Variants in FRMD4A observed in about 807,000 individuals in gnomAD.
The protein encoded by FRMD4A is FERM domain containing 4A.
In FRMD4A, 29 loss-of-function variants were observed where a neutral mutation model predicts 129.1. That is an observed-to-expected ratio of 0.22 (90% CI 0.17 to 0.31). The LOEUF (loss-of-function observed/expected upper bound fraction) is 0.31. Ranked by LOEUF, FRMD4A falls within the 10% of genes least tolerant of loss-of-function variation. The pLI, the probability that FRMD4A is intolerant of heterozygous loss-of-function variation, is 1.00. For missense variants in FRMD4A, 1,272 were observed against 1,375.8 expected, an observed-to-expected ratio of 0.92 and a Z score of 1.19; for synonymous variants, 634 against 571.6, an observed-to-expected ratio of 1.11 and a Z score of -1.56.
At chr10:14,317,756 G>GAAAAAA (rs66793271) in intron 2 of FRMD4A, among the ~76,000 whole-genome samples, 1 of 123,368 alleles carries the variant, frequency 8.1e-6, no homozygotes, top group Non-Finnish European at 1.6e-5. Flanking sequence ...ACAAGAGACG[G>GAAAAAA]AAAAAAAAAA....
intron 2 of FRMD4A, among the ~76,000 whole-genome samples, chr10:14,018,665 C>T (rs1001630461): frequency 2.6e-5 from 4 of 151,860 alleles, no homozygotes; most frequent in African/African-American, 9.7e-5. Flanking sequence ...ATATTGGAGG[C>T]CAAGAGAGCA....
intron 17 of FRMD4A, among the ~76,000 whole-genome samples, chr10:13,669,887 A>C (rs1481863815): frequency 6.6e-6 from 1 of 152,238 alleles, no homozygotes; most frequent in East Asian, 1.9e-4. Flanking sequence ...AAACAAGGCC[A>C]GGGCCGCCCA....
At chr10:13,880,432 T>C (rs1338724468) in intron 2 of FRMD4A, among the ~76,000 whole-genome samples, 1 of 152,226 alleles carries the variant, frequency 6.6e-6, no homozygotes, top group Admixed American at 6.5e-5. Context: ...ATCATTTGTC[T>C]GGATTCTTGC....
At chr10:14,132,511 A>G (rs1354497162) in intron 2 of FRMD4A, among the ~76,000 whole-genome samples, 1 of 152,104 alleles carries the variant, frequency 6.6e-6, no homozygotes, top group Non-Finnish European at 1.5e-5. Flanking sequence ...GGTTGTTATC[A>G]ATCTGGCTGG....
intron 4 of FRMD4A, among the ~76,000 whole-genome samples, chr10:13,798,069 A>C (rs912768626): frequency 1.3e-5 from 2 of 152,184 alleles, no homozygotes; most frequent in African/African-American, 4.8e-5. Flanking sequence ...AATTCCATTA[A>C]CTTTATCTTT....
intron 4 of FRMD4A, among the ~76,000 whole-genome samples, chr10:13,806,983 A>G (rs2093366735): frequency 6.6e-6 from 1 of 151,878 alleles, no homozygotes; most frequent in Non-Finnish European, 1.5e-5. Flanking sequence ...GATTTTTTGT[A>G]TTTTTAGTAG....
chr10:13,828,930 G>T (rs560432779), intron 3 of FRMD4A, among the ~76,000 whole-genome samples: 96 of 152,312 alleles, frequency 6.3e-4, no homozygotes, highest in Admixed American at 1.8e-3. Context: ...ACAAGTGCAG[G>T]TATCTTTTTG....
intron 2 of FRMD4A, among the ~76,000 whole-genome samples, chr10:14,131,526 AC>A (rs779090428): frequency 3.3e-5 from 5 of 152,150 alleles, no homozygotes; most frequent in South Asian, 4.1e-4. Context: ...CCAAACATGA[AC>A]AACACAGACA....
chr10:14,140,343 G>A (rs1033332287), intron 2 of FRMD4A, among the ~76,000 whole-genome samples: 2 of 152,178 alleles, frequency 1.3e-5, no homozygotes, highest in African/African-American at 4.8e-5. Flanking sequence ...GATCACAGAT[G>A]TGAGCCACCC....
At chr10:13,736,569 A>G (rs1269088149) in intron 12 of FRMD4A, among the ~76,000 whole-genome samples, 1 of 152,240 alleles carries the variant, frequency 6.6e-6, no homozygotes, top group Non-Finnish European at 1.5e-5. Flanking sequence ...CAACATGGGA[A>G]CATTTTTTCT....
rs752229961 is a variant in FRMD4A at position 14,051,387 on chromosome 10, C to T, written c.46-192475G>A. On this transcript the variant is annotated intron_variant, in intron 2 of 24. Transcript: ENST00000357447. ...AGCATTCTTGAGAGTATCTATGGCACAGCCCTGCCAGGTGTCCTGAAAATA... is the reference window on the plus strand; with the variant it reads ...AGCATTCTTGAGAGTATCTATGGCATAGCCCTGCCAGGTGTCCTGAAAATA... Among the ~76,000 whole-genome samples the T allele has an allele frequency of 2.2e-4, 34 of 152,286 alleles. 2 individuals carry two copies. The South Asian group carries it at 2.3e-3, about 10-fold the overall frequency.
intron 2 of FRMD4A, among the ~76,000 whole-genome samples, chr10:13,980,252 A>G (rs550047090): frequency 1.8e-4 from 27 of 152,338 alleles, no homozygotes; most frequent in Admixed American, 4.6e-4. Flanking sequence ...TGCTGACCAC[A>G]GCACTGTCTC....
chr10:13,866,448 G>A (rs1387293133), intron 2 of FRMD4A: 1 of 160,058 alleles, frequency 6.2e-6, no homozygotes, highest in South Asian at 2.0e-4. Flanking sequence ...CCGGGTACTG[G>A]GTCACCTCAA....
At chr10:13,826,895 G>C (rs1247964890) in intron 3 of FRMD4A, among the ~76,000 whole-genome samples, 1 of 152,132 alleles carries the variant, frequency 6.6e-6, no homozygotes, top group African/African-American at 2.4e-5. Flanking sequence ...TTCCCTTCTG[G>C]CATGTAATTA....
intron 2 of FRMD4A, among the ~76,000 whole-genome samples, chr10:14,013,958 C>T (rs1398978676): frequency 6.6e-6 from 1 of 152,038 alleles, no homozygotes; most frequent in African/African-American, 2.4e-5. Context: ...AACAAAAAAC[C>T]CAAAGTCCAA....
intron 2 of FRMD4A, among the ~76,000 whole-genome samples, chr10:14,102,242 C>T (rs902647315): frequency 1.3e-5 from 2 of 152,158 alleles, no homozygotes; most frequent in African/African-American, 4.8e-5. Flanking sequence ...AACAGATGCA[C>T]TGGGCCAGAC....
intron 2 of FRMD4A, among the ~76,000 whole-genome samples, chr10:14,193,273 C>G (rs902419429): frequency 6.6e-6 from 1 of 152,130 alleles, no homozygotes; most frequent in Non-Finnish European, 1.5e-5. Flanking sequence ...GACTAATGCA[C>G]CAAGTGATGT....
intron 12 of FRMD4A, among the ~76,000 whole-genome samples, chr10:13,725,685 G>A (rs995000681): frequency 2.0e-5 from 3 of 152,144 alleles, no homozygotes; most frequent in African/African-American, 7.2e-5. Context: ...CCTTCCCAGG[G>A]CCCTGTGGGA....
chr10:13,843,981 T>C (rs1194093857), intron 3 of FRMD4A, among the ~76,000 whole-genome samples: 1 of 152,206 alleles, frequency 6.6e-6, no homozygotes, highest in African/African-American at 2.4e-5. Flanking sequence ...GATTATAATT[T>C]TTTTCTTGCT....
Sources: allele counts gnomAD v4.1 joint callset (sites outside exome capture counted in the v4.1 genomes callset), GRCh38; gene constraint gnomAD v4.1.1; transcripts MANE v1.5; gene names NCBI Gene and HGNC (gene_info 2026-07-23, HGNC 2026-07-21).